FBXL17: variants seen among roughly 807,000 people sequenced by gnomAD.
FBXL17 encodes F-box and leucine rich repeat protein 17.
In FBXL17, 22 loss-of-function variants were observed where a neutral mutation model predicts 66.2. The observed-to-expected ratio is 0.33, with a 90% confidence interval of 0.24 to 0.47. The LOEUF is 0.47. Among genes scored for constraint, FBXL17 ranks in the 20% least tolerant of loss-of-function variants. FBXL17 has a pLI of 1.00. For synonymous variants in FBXL17, 474 were observed against 400.5 expected (o/e 1.18, Z -2.19); for missense variants, 878 against 948.2 (o/e 0.93, Z 0.97).
chr5:108,288,439 A>G (rs1293005529), intron 4 of FBXL17, among the ~76,000 whole-genome samples: 4 of 152,184 alleles, frequency 2.6e-5, no homozygotes, highest in South Asian at 4.1e-4. Flanking sequence ...AAAACATACA[A>G]TATCTCAGAA....
Position 108,002,861 on chromosome 5 carries a change from C to T in FBXL17, c.1822+18064G>A, listed in dbSNP as rs141051454. Among the ~76,000 whole-genome samples the T allele has an allele frequency of 4.3e-3, 648 of 152,172 alleles. 2 individuals carry two copies. Among genetic ancestry groups the T allele is most frequent in the Non-Finnish European group, 7.5e-3 (512 of 67,994 alleles). Reference sequence around the variant, plus strand: ...CTTTATACAAAATGTTCAGAAAAGACTAATCTATATAGACAGTGAATTATT... The same window carrying T: ...CTTTATACAAAATGTTCAGAAAAGATTAATCTATATAGACAGTGAATTATT... On this transcript the variant is annotated intron_variant, in intron 7 of 8. Coordinates refer to ENST00000542267, the MANE Select transcript of FBXL17 (RefSeq NM_001163315.3).
chr5:108,119,607 C>G (rs901625018), intron 6 of FBXL17, among the ~76,000 whole-genome samples: 1 of 152,196 alleles, frequency 6.6e-6, no homozygotes, highest in African/African-American at 2.4e-5. Context: ...TTGCAGCATT[C>G]ATATTTTTGT....
intron 4 of FBXL17, among the ~76,000 whole-genome samples, chr5:108,304,484 TCC>T (rs1275460814): frequency 1.3e-5 from 2 of 151,932 alleles, no homozygotes; most frequent in Non-Finnish European, 2.9e-5. Flanking sequence ...AGTGAAGATT[TCC>T]CCTACTTAAA....
intron 7 of FBXL17, among the ~76,000 whole-genome samples, chr5:107,960,791 C>T (rs1207136778): frequency 6.6e-6 from 1 of 152,158 alleles, no homozygotes; most frequent in Non-Finnish European, 1.5e-5. Context: ...TTATTGAATA[C>T]CTATTTACTG....
At chr5:108,107,923 T>G (rs1019732315) in intron 6 of FBXL17, among the ~76,000 whole-genome samples, 2 of 152,188 alleles carry the variant, frequency 1.3e-5, no homozygotes, top group Admixed American at 6.5e-5. Flanking sequence ...CAGACCCCTT[T>G]GCATGACCTA....
At chr5:108,030,998 C>A (rs1287970085) in intron 6 of FBXL17, among the ~76,000 whole-genome samples, 1 of 152,002 alleles carries the variant, frequency 6.6e-6, no homozygotes, top group Non-Finnish European at 1.5e-5. Context: ...ATTAGATTCA[C>A]AATACTATTA....
chr5:108,121,590 G>T (rs749585606), intron 6 of FBXL17, among the ~76,000 whole-genome samples: 1 of 150,862 alleles, frequency 6.6e-6, no homozygotes, highest in South Asian at 2.1e-4. Context: ...ACAGAGTCTC[G>T]CTCTCACCCA....
chr5:108,267,548 T>A (rs1298345884), intron 4 of FBXL17, among the ~76,000 whole-genome samples: 1 of 152,092 alleles, frequency 6.6e-6, no homozygotes, highest in East Asian at 1.9e-4. Context: ...AGTATTAATT[T>A]CCCATTTCTA....
intron 4 of FBXL17, among the ~76,000 whole-genome samples, chr5:108,283,141 A>G (rs1364454650): frequency 6.6e-6 from 1 of 151,606 alleles, no homozygotes; most frequent in East Asian, 1.9e-4. Context: ...TTACACAAGT[A>G]CAAAAAAAAT....
At chr5:108,197,299 G>C (rs1485196184) in intron 5 of FBXL17, among the ~76,000 whole-genome samples, 1 of 152,106 alleles carries the variant, frequency 6.6e-6, no homozygotes, top group Non-Finnish European at 1.5e-5. Context: ...ACAAATCAAA[G>C]CTTAAGTAAA....
intron 6 of FBXL17, among the ~76,000 whole-genome samples, chr5:108,131,590 T>C (rs1305821241): frequency 6.6e-6 from 1 of 152,142 alleles, no homozygotes; most frequent in Non-Finnish European, 1.5e-5. Flanking sequence ...CACCACTGTG[T>C]ATTCCCTTAT....
chr5:107,958,307 A>C (rs1751747252), intron 7 of FBXL17, among the ~76,000 whole-genome samples: 1 of 152,054 alleles, frequency 6.6e-6, no homozygotes, highest in Admixed American at 6.6e-5. Flanking sequence ...TATGGCCATC[A>C]ATGTTCCCCC....
At chr5:108,173,751 G>A (rs527256374) in intron 6 of FBXL17, among the ~76,000 whole-genome samples, 2 of 152,292 alleles carry the variant, frequency 1.3e-5, no homozygotes, top group East Asian at 3.9e-4. Context: ...ACAGTTTGGG[G>A]AATGAAAGGG....
intron 6 of FBXL17, among the ~76,000 whole-genome samples, chr5:108,068,525 G>A (rs936817921): frequency 4.0e-5 from 6 of 151,718 alleles, no homozygotes; most frequent in African/African-American, 7.3e-5. Flanking sequence ...GCGCAATCTC[G>A]GCTCACTGCA....
At chr5:108,007,962 C>T (rs760723813) in intron 7 of FBXL17, among the ~76,000 whole-genome samples, 5 of 152,158 alleles carry the variant, frequency 3.3e-5, no homozygotes, top group Non-Finnish European at 7.3e-5. Context: ...ATGTGCGGCA[C>T]ATATTCATGC....
At chr5:108,007,361 G>A (rs975230101) in intron 7 of FBXL17, among the ~76,000 whole-genome samples, 1 of 152,090 alleles carries the variant, frequency 6.6e-6, no homozygotes, top group East Asian at 1.9e-4. Context: ...AATACTAAAC[G>A]CATTTGTGAG....
intron 6 of FBXL17, among the ~76,000 whole-genome samples, chr5:108,154,107 T>C (rs1306059163): frequency 6.6e-6 from 1 of 152,042 alleles, no homozygotes; most frequent in Non-Finnish European, 1.5e-5. Flanking sequence ...GTTACTTTAC[T>C]CAACTGTGTT....
chr5:107,955,048 T>G (rs1276134862), intron 7 of FBXL17, among the ~76,000 whole-genome samples: 1 of 152,006 alleles, frequency 6.6e-6, no homozygotes, highest in Non-Finnish European at 1.5e-5. Context: ...TTACCCAACT[T>G]CAAGGAAAGA....
intron 6 of FBXL17, among the ~76,000 whole-genome samples, chr5:108,177,911 G>GTA (rs70996985): frequency 0.28 from 31,748 of 114,972 alleles, 5,209 homozygotes; most frequent in Middle Eastern, 0.32. Flanking sequence ...AAAAAAAAAT[G>GTA]TATATATATA....
Sources: gnomAD v4.1 joint callset for allele counts (sites outside exome capture counted in the v4.1 genomes callset) on GRCh38, gnomAD v4.1.1 for gene constraint, MANE v1.5 for transcripts, NCBI Gene and HGNC (gene_info 2026-07-23, HGNC 2026-07-21) for gene names.